Variants in SOS1 observed in about 807,000 individuals in gnomAD.
The protein encoded by SOS1 is son of sevenless homolog 1.
Under a neutral mutation model 157.6 loss-of-function variants are expected in SOS1, and 25 were observed. The observed-to-expected ratio is 0.16, with a 90% CI of 0.12 to 0.22. SOS1 has a LOEUF of 0.22. Ranked by LOEUF, SOS1 falls within the 10% of genes least tolerant of loss-of-function variation. SOS1 has a pLI of 1.00. For missense variants in SOS1, 1,237 were observed against 1,599.1 expected (o/e 0.77, Z 3.86); for synonymous variants, 528 against 534.0 (o/e 0.99, Z 0.16).
At chr2:39,068,134 G>A (rs908477772) in intron 1 of SOS1, among the ~76,000 whole-genome samples, 6 of 152,074 alleles carry the variant, frequency 3.9e-5, no homozygotes, top group African/African-American at 1.2e-4. Context: ...TAAGAAGTGG[G>A]TTTGTATTTA....
intron 11 of SOS1, among the ~76,000 whole-genome samples, chr2:39,014,276 C>T (rs538727235): frequency 5.3e-5 from 8 of 152,068 alleles, no homozygotes; most frequent in East Asian, 1.9e-4. Context: ...TATAAAGTTA[C>T]GGGACTGATA....
At chr2:39,113,621 G>C (rs563100308) in intron 1 of SOS1, among the ~76,000 whole-genome samples, 71 of 152,094 alleles carry the variant, frequency 4.7e-4, no homozygotes, top group Admixed American at 8.5e-4. Flanking sequence ...TCCAAACCTT[G>C]ATTTTCTCTC....
intron 8 of SOS1, among the ~76,000 whole-genome samples, chr2:39,030,452 C>T (rs1319901507): frequency 1.3e-5 from 2 of 151,848 alleles, no homozygotes; most frequent in African/African-American, 4.8e-5. Context: ...TGCCTGTAGT[C>T]TCAGTTACTT....
At chr2:39,080,743 T>C (rs1229106245) in intron 1 of SOS1, among the ~76,000 whole-genome samples, 1 of 152,122 alleles carries the variant, frequency 6.6e-6, no homozygotes, top group African/African-American at 2.4e-5. Context: ...TACAAGTTTT[T>C]AACTGCAATT....
At chr2:38,998,687 C>T (rs533337592) in intron 17 of SOS1, among the ~76,000 whole-genome samples, 2 of 152,272 alleles carry the variant, frequency 1.3e-5, no homozygotes, top group Admixed American at 6.5e-5. Flanking sequence ...TAGAGCCTGA[C>T]GAACGTTAAG....
At chr2:39,002,882 T>C (rs1669151404) in intron 17 of SOS1, among the ~76,000 whole-genome samples, 2 of 152,052 alleles carry the variant, frequency 1.3e-5, no homozygotes, top group Admixed American at 1.3e-4. Context: ...CTGGGCAACC[T>C]GGTGAAACCC....
At chr2:39,123,876 G>A (rs1180515183), upstream of SOS1, among the ~76,000 whole-genome samples, 1 of 152,210 alleles carries the variant, frequency 6.6e-6, no homozygotes, top group Non-Finnish European at 1.5e-5. Context: ...CGGGCTAAGA[G>A]GTTGGGCATG....
At chr2:39,081,990 A>T (rs1334186798) in intron 1 of SOS1, among the ~76,000 whole-genome samples, 1 of 152,186 alleles carries the variant, frequency 6.6e-6, no homozygotes. Flanking sequence ...TATGTAATGC[A>T]TAATAGTTAT....
intron 1 of SOS1, among the ~76,000 whole-genome samples, chr2:39,076,571 G>C (rs1423334417): frequency 6.6e-6 from 1 of 152,078 alleles, no homozygotes; most frequent in Non-Finnish European, 1.5e-5. Context: ...ATGCAGAAAA[G>C]GTAACAATTC....
At chr2:39,089,530 C>CAA (rs56688960) in intron 1 of SOS1, among the ~76,000 whole-genome samples, 1,721 of 117,810 alleles carry the variant, frequency 0.015, 26 homozygotes, top group African/African-American at 0.028. Flanking sequence ...ACTCTGTCTC[C>CAA]AAAAAAAAAA....
chr2:39,072,421 CTGTTTGGT>C (rs1181741357), intron 1 of SOS1, among the ~76,000 whole-genome samples: 2 of 152,176 alleles, frequency 1.3e-5, no homozygotes, highest in African/African-American at 4.8e-5. Flanking sequence ...ACTAGAGAGT[CTGTTTGGT>C]TGTTTGGTTG....
At chr2:39,049,331 G>T (rs192477786) in intron 6 of SOS1, among the ~76,000 whole-genome samples, 11 of 151,840 alleles carry the variant, frequency 7.2e-5, no homozygotes, top group Admixed American at 5.9e-4. Context: ...CTTGAACTGG[G>T]TCCAGCAAAT....
At chr2:39,051,331 A>T in intron 5 of SOS1, 44 bp from the exon 6 acceptor site, 1 of 1,555,558 alleles carries the variant, frequency 6.4e-7, no homozygotes, top group Non-Finnish European at 8.8e-7. Context: ...CTGTATTATT[A>T]TAATATTAAA....
chr2:39,118,188 TAGA>T (rs1673726750), intron 1 of SOS1, among the ~76,000 whole-genome samples: 1 of 152,176 alleles, frequency 6.6e-6, no homozygotes, highest in Non-Finnish European at 1.5e-5. Context: ...TGAGTGAGTC[TAGA>T]AGGATGAGTA....
chr2:38,997,055 G>GA lies in SOS1; in HGVS notation c.2965-18dup, dbSNP rs1226817974. The GA allele has an allele frequency of 3.0e-6, 4 of 1,320,778 alleles. No homozygotes were observed. The highest frequency in any genetic ancestry group is 1.2e-5 in the South Asian group (1 of 80,664). The allele number at this position is 1,320,778 out of a possible 1,614,324, so 81.8% of individuals were successfully genotyped here. On this transcript the variant is annotated splice_polypyrimidine_tract_variant and intron_variant, in intron 18 of 22. Coordinates refer to ENST00000402219, the MANE Select transcript of SOS1 (RefSeq NM_005633.4). ...AAAGAACCTCTAAAATAAATGCAAA[G>GA]AAAAAATTATTAATATTCAAAATTA...
intron 8 of SOS1, among the ~76,000 whole-genome samples, chr2:39,032,304 G>A (rs1027643886): frequency 2.0e-5 from 3 of 151,982 alleles, no homozygotes; most frequent in Non-Finnish European, 2.9e-5. Flanking sequence ...CCAGCCTCTG[G>A]TAACCACCAT....
chr2:39,116,850 C>CA (rs1176895543), intron 1 of SOS1, among the ~76,000 whole-genome samples: 1 of 151,892 alleles, frequency 6.6e-6, no homozygotes, highest in Non-Finnish European at 1.5e-5. Flanking sequence ...TCAAAACAAA[C>CA]AAACAAAACA....
intron 1 of SOS1, among the ~76,000 whole-genome samples, chr2:39,106,763 T>A (rs1022618508): frequency 1.3e-5 from 2 of 152,186 alleles, no homozygotes; most frequent in African/African-American, 4.8e-5. Flanking sequence ...TTTCTGCCTG[T>A]GAGGTAGCCC....
At chr2:38,997,523 G>T in intron 17 of SOS1, 98 bp from the exon 18 acceptor site, 6 of 748,312 alleles carry the variant, frequency 8.0e-6, no homozygotes, top group Non-Finnish European at 1.3e-5. Context: ...TACCATCTCA[G>T]TTGCCAAAAC....
Sources: gnomAD v4.1 joint callset for allele counts (sites outside exome capture counted in the v4.1 genomes callset) on GRCh38, gnomAD v4.1.1 for gene constraint, MANE v1.5 for transcripts, NCBI Gene and HGNC (gene_info 2026-07-23, HGNC 2026-07-21) for gene names.